The following SLC26A9 variants were observed in gnomAD, a reference collection of about 807,000 sequenced individuals.
The protein encoded by SLC26A9 is solute carrier family 26 member 9.
SLC26A9 carries 46 observed loss-of-function variants against 87.1 expected under a neutral mutation model. That is an observed-to-expected ratio of 0.53 (90% CI 0.42 to 0.67). SLC26A9 has a LOEUF of 0.67. Among genes scored for constraint, SLC26A9 ranks in the 30% least tolerant of loss-of-function variants. The pLI is 0.00. For synonymous variants in SLC26A9, 437 were observed against 409.1 expected (o/e 1.07, Z -0.82); for missense variants, 927 against 1,018.3 (o/e 0.91, Z 1.22).
In SLC26A9 at chr1:205,929,994, C is replaced by G. The variant is rs771701752; in HGVS notation, c.615G>C (p.Arg205=). 6.2e-7 allele frequency: 1 copy of G among 1,613,854 alleles called. No individual in the cohort carries two copies. Among genetic ancestry groups the G allele is most frequent in the South Asian group, 1.1e-5 (1 of 91,060 alleles). The part of the protein sequence containing the change: ...VAIYLSESFI[R]GFMTAAGLQI... ...GCAGGCCGGCGGCCGTCATGAAGCC[C>G]CGGATGAAGGACTCGGAGAGGTAGA... is the stretch of plus-strand genomic sequence containing the variant. Residue 205 remains arginine (R), a synonymous_variant, in exon 6 of 21, where the codon CGG becomes CGC. Transcript: ENST00000367135.
Position 205,933,074 on chromosome 1 carries a change from C to G in SLC26A9, c.136G>C (p.Ala46Pro). Reference sequence around the variant, plus strand: ...CCAAACACCACAGCTTTGATCTTGGCTGAGGAACATCTGGAAGGGAACGGG... The same window carrying G: ...CCAAACACCACAGCTTTGATCTTGGGTGAGGAACATCTGGAAGGGAACGGG... ...KLRNAFRCSSAKIKAVVFGLL... is the reference protein window; with the variant it reads ...KLRNAFRCSSPKIKAVVFGLL... The change falls in exon 3 of 21, where the codon GCC becomes CCC. Residue 46 changes from alanine to proline, a missense_variant. Transcript: ENST00000367135. 6.2e-7 allele frequency: 1 copy of G among 1,614,236 alleles called. No homozygotes were observed. The highest frequency in any genetic ancestry group is 8.5e-7 in the Non-Finnish European group (1 of 1,180,038).
At chr1:205,920,367 A>T in intron 17 of SLC26A9, 137 bp from the exon 18 acceptor site, 2 of 909,300 alleles carry the variant, frequency 2.2e-6, no homozygotes, top group Non-Finnish European at 3.5e-6. Flanking sequence ...CAAAGACAAA[A>T]ATAGCAGCAA....
At chr1:205,930,404 C>T (rs1659256840) in intron 5 of SLC26A9, 1 of 175,884 alleles carries the variant, frequency 5.7e-6, no homozygotes, top group African/African-American at 2.3e-5. Context: ...TCCTCCCTTA[C>T]CTCCCACATC....
At chr1:205,917,243 C>A in intron 20 of SLC26A9, 40 bp downstream of exon 20, 1 of 1,608,900 alleles carries the variant, frequency 6.2e-7, no homozygotes, top group Middle Eastern at 1.7e-4. Flanking sequence ...TTCCCCTCTT[C>A]GCCCTGCTCC....
intron 16 of SLC26A9, 106 bp from the exon 17 acceptor site, chr1:205,921,953 C>T (rs888731257): frequency 5.8e-5 from 80 of 1,372,980 alleles, no homozygotes; most frequent in South Asian, 4.5e-4. Context: ...GGGAATAACT[C>T]GCCTCGGTGA....
At chr1:205,927,395 G>T in intron 10 of SLC26A9, 97 bp downstream of exon 10, 1 of 1,546,464 alleles carries the variant, frequency 6.5e-7, no homozygotes, top group Non-Finnish European at 8.9e-7. Context: ...GGGAAGAAGG[G>T]GTCGGAGAAG....
At chr1:205,919,144 T>C (rs7366689) in intron 18 of SLC26A9, among the ~76,000 whole-genome samples, 159 bp from the exon 19 acceptor site, 138,370 of 152,274 alleles carry the variant, frequency 0.91, 62,873 homozygotes, top group Admixed American at 0.93. Context: ...AATATCAGTT[T>C]TGGACGGCAG....
At position 205,915,420 on chromosome 1, in the gene SLC26A9, G is replaced by A. The variant is rs767598287; in HGVS notation, c.2329-16C>T. ...CGAACATCTCCTGCAGGAACCACAG[G>A]AAGGAAGTGGGAGGGGAAGAGAGAG... is the stretch of plus-strand genomic sequence containing the variant. On this transcript the variant is annotated splice_polypyrimidine_tract_variant and intron_variant, in intron 20 of 20. Transcript: ENST00000367135. 1.1e-5 allele frequency: 18 copies of A among 1,613,792 alleles called. No homozygotes were observed. The highest frequency in any genetic ancestry group is 2.2e-5 in the East Asian group (1 of 44,882).
At position 205,915,267 on chromosome 1, in the gene SLC26A9, G is replaced by A. The variant is rs376627076; in HGVS notation, c.*90C>T. On this transcript the variant is annotated 3_prime_UTR_variant, in exon 21 of 21. Coordinates refer to ENST00000367135, the MANE Select transcript of SLC26A9 (RefSeq NM_052934.4). ...AGCTCTGGGGGATGCACTTTCCTCCGCCCGACACCCCCTGTGACCCCAGGC... is the reference window on the plus strand; with the variant it reads ...AGCTCTGGGGGATGCACTTTCCTCCACCCGACACCCCCTGTGACCCCAGGC... 1,654 of 1,601,254 alleles carry A rather than the reference G, an allele frequency of 1.0e-3. 14 individuals are homozygous for A. The South Asian group carries it at 0.011, about 11-fold the overall frequency.
In SLC26A9 at chr1:205,937,715, C is replaced by G. The variant is rs558297617; in HGVS notation, c.-18-1877G>C. Among the ~76,000 whole-genome samples the G allele has an allele frequency of 4.2e-3, 647 of 152,248 alleles. 3 individuals are homozygous for G. Among genetic ancestry groups the G allele is most frequent in the African/African-American group, 0.014 (574 of 41,552 alleles). On this transcript the variant is annotated intron_variant, in intron 1 of 20. Coordinates refer to ENST00000367135, the MANE Select transcript of SLC26A9 (RefSeq NM_052934.4). ...GTGAGGCGGGGTGGTCTCACTCTTC[C>G]TCTCCACCTGCTCCAGAGTCTGCAT...
chr1:205,920,846 G>A (rs1658796870), intron 17 of SLC26A9, among the ~76,000 whole-genome samples: 1 of 152,238 alleles, frequency 6.6e-6, no homozygotes, highest in African/African-American at 2.4e-5. Context: ...TGTGGCTTCA[G>A]ACAGAAGCTG....
intron 1 of SLC26A9, among the ~76,000 whole-genome samples, chr1:205,938,225 C>T (rs1371566271): frequency 6.6e-6 from 1 of 150,834 alleles, no homozygotes; most frequent in Admixed American, 6.7e-5. Flanking sequence ...TTCAGTTGTT[C>T]ATCAAATCCT....
Position 205,918,975 on chromosome 1 carries a change from G to C in SLC26A9, c.2121C>G (p.Tyr707Ter). ...AGACGCCTCCATGGCTAATGTCATT[G>C]TACACCTGGGCTAGAAGGAGAAAAG... ...VFLVNIHAQVYNDISHGGVFE... is the reference protein window; with the variant it reads ...VFLVNIHAQV The change falls in exon 19 of 21, where the codon TAC becomes TAG. Residue 707 changes from tyrosine to a stop codon, truncating the protein, a stop_gained. Coordinates refer to ENST00000367135, the MANE Select transcript of SLC26A9 (RefSeq NM_052934.4). LOFTEE classifies it high-confidence loss of function. 1 of 1,614,130 alleles carries C rather than the reference G, an allele frequency of 6.2e-7. No individual in the cohort carries two copies. The highest frequency in any genetic ancestry group is 8.5e-7 in the Non-Finnish European group (1 of 1,179,960).
intron 16 of SLC26A9, 31 bp downstream of exon 16, chr1:205,923,051 G>C: frequency 6.2e-7 from 1 of 1,601,018 alleles, no homozygotes; most frequent in Non-Finnish European, 8.6e-7. Flanking sequence ...CAGGAGAGCA[G>C]GGCACGGGGC....
chr1:205,929,015 T>A, intron 7 of SLC26A9, 106 bp from the exon 8 acceptor site: 1 of 1,488,702 alleles, frequency 6.7e-7, no homozygotes, highest in Non-Finnish European at 9.3e-7. Flanking sequence ...CCCACTCCCC[T>A]GCCTCCTTAG....
chr1:205,925,820 T>C (rs985657254), intron 12 of SLC26A9, among the ~76,000 whole-genome samples: 1 of 152,218 alleles, frequency 6.6e-6, no homozygotes, highest in Non-Finnish European at 1.5e-5. Context: ...TAGGTTATGG[T>C]GGGGCTTAAA....
At position 205,923,198 on chromosome 1, in the gene SLC26A9, G is replaced by T. The variant is rs375221213; in HGVS notation, c.1660-3C>A. The T allele has an allele frequency of 3.1e-6, 5 of 1,614,046 alleles. No individual in the cohort carries two copies. Among genetic ancestry groups the T allele is most frequent in the Non-Finnish European group, 4.2e-6 (5 of 1,179,940 alleles). On this transcript the variant is annotated splice_polypyrimidine_tract_variant and splice_region_variant and intron_variant, in intron 15 of 20. Transcript: ENST00000367135. Reference sequence around the variant, plus strand: ...ACTTTCTGGGGGTCCATGCCTGTCTGCAGGGAGAGAGCCAACAGCAATCTT... The same window carrying T: ...ACTTTCTGGGGGTCCATGCCTGTCTTCAGGGAGAGAGCCAACAGCAATCTT...
At chr1:205,925,130 G>T (rs1169438954) in intron 12 of SLC26A9, among the ~76,000 whole-genome samples, 1 of 152,176 alleles carries the variant, frequency 6.6e-6, no homozygotes, top group Non-Finnish European at 1.5e-5. Context: ...GAAACAAAAG[G>T]AGAATAATAA....
In SLC26A9 at chr1:205,918,929, A is replaced by T. The variant is rs779732490; in HGVS notation, c.2167T>A (p.Cys723Ser). 4.3e-6 allele frequency: 7 copies of T among 1,614,216 alleles called. No homozygotes were observed. Among genetic ancestry groups the T allele is most frequent in the South Asian group, 1.1e-5 (1 of 91,088 alleles). The change falls in exon 19 of 21, where the codon TGC becomes AGC. Residue 723 changes from cysteine to serine, a missense_variant. Physicochemically the swap from Cys to Ser is moderately radical, Grantham distance 112. Coordinates refer to ENST00000367135, the MANE Select transcript of SLC26A9 (RefSeq NM_052934.4). ...GGVFEDGSLE[C>S]KHVFPSIHDA... The stretch of plus-strand genomic sequence containing the variant: ...TGTATGCTGGGAAAGACGTGCTTGC[A>T]TTCTAGACTCCCATCCTCAAAGACG...
Sources: allele counts gnomAD v4.1 joint callset (sites outside exome capture counted in the v4.1 genomes callset), GRCh38; gene constraint gnomAD v4.1.1; transcripts MANE v1.5; gene names NCBI Gene and HGNC (gene_info 2026-07-23, HGNC 2026-07-21).